Variants in CATSPERZ observed in about 807,000 individuals in gnomAD.
The protein encoded by CATSPERZ is catsper channel auxiliary subunit zeta.
CATSPERZ carries 21 observed loss-of-function variants against 21.7 expected under a neutral mutation model. That is an observed-to-expected ratio of 0.97 (90% CI 0.69 to 1.39). CATSPERZ has a LOEUF of 1.39. CATSPERZ is among the 40% of genes most tolerant of loss of function. The pLI, the probability that CATSPERZ is intolerant of heterozygous loss-of-function variation, is 0.00. For missense variants in CATSPERZ, 234 were observed against 259.5 expected (o/e 0.90, Z 0.68); for synonymous variants, 127 against 108.7 (o/e 1.17, Z -1.05).
At position 64,303,930 on chromosome 11, in the gene CATSPERZ, CCTTATGTCT is replaced by C. The variant is rs2034971426; in HGVS notation, c.499+92_499+100del. On this transcript the variant is annotated intron_variant, in intron 4 of 4. Coordinates refer to ENST00000328404, the MANE Select transcript of CATSPERZ (RefSeq NM_001039496.2). ...CCCAGGGGGGTGGGGTTTCAGGGTG[CCTTATGTCT>C]TGTCAGATGCCCTTGGCACTCACAA... 1.6e-5 allele frequency: 21 copies of C among 1,303,840 alleles called. No individual in the cohort carries two copies. In the East Asian group the frequency reaches 2.8e-4, roughly 17 times the overall value. 80.8% of individuals were successfully genotyped at this position (1,303,840 alleles called of 1,614,324 possible). A position where few individuals can be genotyped will look rare whatever the true frequency, so the allele number is the denominator to read the frequency against.
At chr11:64,304,473 T>C in intron 4 of CATSPERZ, 70 bp from the exon 5 acceptor site, 1 of 1,227,612 alleles carries the variant, frequency 8.1e-7, no homozygotes, top group Non-Finnish European at 1.1e-6. Context: ...GAATCACACA[T>C]GCGGCGCCCC....
In CATSPERZ at chr11:64,300,946, T is replaced by G; in HGVS notation, c.311T>G (p.Ile104Ser). ...LELHRGSSME[I>S]NLGEKDTASQ... ...TTGCACCGCGGCAGCTCCATGGAAA[T>G]CAATCTGGGGGAGAAGGACACTGCA... The change falls in exon 2 of 5, where the codon ATC becomes AGC. Residue 104 changes from isoleucine to serine, a missense_variant. Coordinates refer to ENST00000328404, the MANE Select transcript of CATSPERZ (RefSeq NM_001039496.2). 6.3e-7 allele frequency: 1 copy of G among 1,579,856 alleles called. No homozygotes were observed.
rs111651235 is a variant in CATSPERZ, at chr11:64,300,515, C to G, written c.21+84C>G. On this transcript the variant is annotated intron_variant, in intron 1 of 4. Coordinates refer to ENST00000328404, the MANE Select transcript of CATSPERZ (RefSeq NM_001039496.2). The stretch of plus-strand genomic sequence containing the variant: ...CGGGCCCCTGGCGCTATTTCTTACT[C>G]AGCCTTGGCTGCCCGCAGCCCCCAC... 79 of 1,557,634 alleles carry G rather than the reference C, an allele frequency of 5.1e-5. 4 individuals are homozygous for G. The African/African-American group carries it at 6.1e-4, about 12-fold the overall frequency.
At chr11:64,304,135 G>A (rs1461620293) in intron 4 of CATSPERZ, among the ~76,000 whole-genome samples, 1 of 152,194 alleles carries the variant, frequency 6.6e-6, no homozygotes, top group African/African-American at 2.4e-5. Context: ...TGGGATGACC[G>A]CCTTGGTGTG....
chr11:64,301,585 G>C (rs1228432644), intron 2 of CATSPERZ, among the ~76,000 whole-genome samples: 1 of 151,924 alleles, frequency 6.6e-6, no homozygotes, highest in Non-Finnish European at 1.5e-5. Flanking sequence ...TGTTGGCCAG[G>C]CTGGTCTCGA....
intron 1 of CATSPERZ, 46 bp downstream of exon 1, chr11:64,300,477 C>G (rs1437176535): frequency 8.3e-6 from 13 of 1,567,740 alleles, no homozygotes; most frequent in Non-Finnish European, 1.0e-5. Flanking sequence ...TCCAACCCAC[C>G]CTTGGTCCGA....
chr11:64,300,447 A>G lies in CATSPERZ; in HGVS notation c.21+16A>G, dbSNP rs756750237. The G allele has an allele frequency of 4.6e-6, 7 of 1,526,770 alleles. No homozygotes were observed. Among genetic ancestry groups the G allele is most frequent in the Non-Finnish European group, 6.2e-6 (7 of 1,125,466 alleles). 94.6% of individuals were successfully genotyped at this position (1,526,770 alleles called of 1,614,324 possible). A position where few individuals can be genotyped will look rare whatever the true frequency, so the allele number is the denominator to read the frequency against. On this transcript the variant is annotated intron_variant, in intron 1 of 4. Coordinates refer to ENST00000328404, the MANE Select transcript of CATSPERZ (RefSeq NM_001039496.2). ...GCCTTCGAAAGTAAGACGTCTCCCT[A>G]GGCCCCTTACCCTGTCCGCTCCAAC...
intron 2 of CATSPERZ, among the ~76,000 whole-genome samples, chr11:64,303,110 A>C (rs2034954269): frequency 1.3e-5 from 2 of 151,800 alleles, no homozygotes; most frequent in Non-Finnish European, 2.9e-5. Context: ...CATGTTGGCC[A>C]GGTTGGTCTC....
Position 64,303,763 on chromosome 11 carries a change from G to C in CATSPERZ, c.433-10G>C, listed in dbSNP as rs1439144895. ...TACCTGGACGCCTAAGCCTCTTGCT[G>C]CTTCTCCAGCTGCCACTGCCCCTGA... On this transcript the variant is annotated splice_polypyrimidine_tract_variant and intron_variant, in intron 3 of 4. Transcript: ENST00000328404. 2 of 1,593,336 alleles carry C rather than the reference G, an allele frequency of 1.3e-6. No homozygotes were observed. The highest frequency in any genetic ancestry group is 1.3e-5 in the African/African-American group (1 of 74,352).
rs758831368 is a variant in CATSPERZ at position 64,303,838 on chromosome 11, G to A, written c.498G>A (p.Arg166=). The A allele has an allele frequency of 1.3e-6, 2 of 1,594,222 alleles. No individual in the cohort carries two copies. Among genetic ancestry groups the A allele is most frequent in the South Asian group, 1.1e-5 (1 of 87,606 alleles). The change falls in exon 4 of 5, where the codon CGG becomes CGA. Residue 166 remains arginine (R), a splice_region_variant and synonymous_variant. Coordinates refer to ENST00000328404, the MANE Select transcript of CATSPERZ (RefSeq NM_001039496.2). ...EALEILTKAL[R]SYQLGIGRDH... ...TGGAAATCCTCACCAAAGCCCTCCGGAGTAAGCTCCCCGCCAACCCCCAAG... is the reference window on the plus strand; with the variant it reads ...TGGAAATCCTCACCAAAGCCCTCCGAAGTAAGCTCCCCGCCAACCCCCAAG...
intron 2 of CATSPERZ, among the ~76,000 whole-genome samples, chr11:64,301,300 T>C (rs1202392895): frequency 6.6e-6 from 1 of 152,186 alleles, no homozygotes; most frequent in Non-Finnish European, 1.5e-5. Context: ...TTTTGTTTTG[T>C]TTTGTTTTTG....
chr11:64,304,632 C>T lies in CATSPERZ; in HGVS notation c.589C>T (p.Leu197=). Reference sequence around the variant, plus strand: ...GCTCAAGAAGCGCCGGAGCAAGAGGCTGTACGTGAATTAAAAACGCCACCT... The same window carrying T: ...GCTCAAGAAGCGCCGGAGCAAGAGGTTGTACGTGAATTAAAAACGCCACCT... ...EGLKKRRSKR[L]YVN is the part of the protein sequence containing the mutation. Residue 197 remains leucine (L), a synonymous_variant, in exon 5 of 5, where the codon CTG becomes TTG. Transcript: ENST00000328404. The T allele has an allele frequency of 6.4e-7, 1 of 1,572,522 alleles. No homozygotes were observed. Among genetic ancestry groups the T allele is most frequent in the African/African-American group, 1.4e-5 (1 of 73,944 alleles).
In CATSPERZ at chr11:64,303,498, G is replaced by GTCA. The variant is rs1412055228; in HGVS notation, c.373_375dup (p.Ser125dup). Reference sequence around the variant, plus strand: ...TTCTCCCAGAAAAGTCTTCCTCAATGTCATCACTCAATATTGCGAAGCACA... The same window carrying GTCA: ...TTCTCCCAGAAAAGTCTTCCTCAATGTCATCATCACTCAATATTGCGAAGCACA... On this transcript the variant is annotated inframe_insertion, in exon 3 of 5. Coordinates refer to ENST00000328404, the MANE Select transcript of CATSPERZ (RefSeq NM_001039496.2). The GTCA allele has an allele frequency of 1.2e-6, 2 of 1,613,098 alleles. No homozygotes were observed. The highest frequency in any genetic ancestry group is 2.2e-5 in the South Asian group (2 of 90,890).
In CATSPERZ at chr11:64,304,532, C is replaced by G. The variant is rs1443710870; in HGVS notation, c.500-11C>G. The G allele has an allele frequency of 3.8e-6, 6 of 1,570,878 alleles. No individual in the cohort carries two copies. In the South Asian group the frequency reaches 4.7e-5, roughly 12 times the overall value. On this transcript the variant is annotated splice_polypyrimidine_tract_variant and intron_variant, in intron 4 of 4. Transcript: ENST00000328404. ...CTCACTGCCCTGAGCCGAGCTCTGC[C>G]CTCCTCCTAGGCTACCAGTTAGGGA...
chr11:64,300,995 TG>T lies in CATSPERZ; in HGVS notation c.352+10del. 6.6e-7 allele frequency: 1 copy of T among 1,518,242 alleles called. No homozygotes were observed. Among genetic ancestry groups the T allele is most frequent in the Non-Finnish European group, 8.9e-7 (1 of 1,126,462 alleles). 94.0% of individuals were successfully genotyped at this position (1,518,242 alleles called of 1,614,324 possible). ...CATCCCAGATCGAGGCCGGTCAGTGTGGCCTCGCCAGGCCGTGGGCACCCGC... is the reference window on the plus strand; with the variant it reads ...CATCCCAGATCGAGGCCGGTCAGTGTGCCTCGCCAGGCCGTGGGCACCCGC... On this transcript the variant is annotated intron_variant, in intron 2 of 4. Coordinates refer to ENST00000328404, the MANE Select transcript of CATSPERZ (RefSeq NM_001039496.2).
intron 4 of CATSPERZ, 94 bp from the exon 5 acceptor site, chr11:64,304,449 A>T: frequency 1.1e-6 from 1 of 916,016 alleles, no homozygotes; most frequent in Non-Finnish European, 1.7e-6. Context: ...ACCTCGAATC[A>T]TCTGCGGTTC....
chr11:64,304,496 C>T lies in CATSPERZ; in HGVS notation c.500-47C>T, dbSNP rs1179092541. 6.8e-6 allele frequency: 10 copies of T among 1,471,726 alleles called. No individual in the cohort carries two copies. The Middle Eastern group carries it at 1.1e-3, about 156-fold the overall frequency. The allele number at this position is 1,471,726 out of a possible 1,614,324, so 91.2% of individuals were successfully genotyped here. ...CATGCGGCGCCCCCTGGTGGGGAGACCTTTCGGTTGCTCACTGCCCTGAGC... is the reference window on the plus strand; with the variant it reads ...CATGCGGCGCCCCCTGGTGGGGAGATCTTTCGGTTGCTCACTGCCCTGAGC... On this transcript the variant is annotated intron_variant, in intron 4 of 4. Transcript: ENST00000328404.
In CATSPERZ at chr11:64,300,822, C is replaced by T. The variant is rs1372587166; in HGVS notation, c.187C>T (p.Arg63Cys). The change falls in exon 2 of 5, where the codon CGC (arginine) becomes TGC (cysteine). Residue 63 changes from arginine (R) to cysteine (C), a missense_variant. Physicochemically the swap from Arg to Cys is radical, Grantham distance 180. Coordinates refer to ENST00000328404, the MANE Select transcript of CATSPERZ (RefSeq NM_001039496.2). ...GGAGGGCCGCAACATTAGCAAGACCCGCGGGTGGCACAGCCCGGGGCGGGG... is the reference window on the plus strand; with the variant it reads ...GGAGGGCCGCAACATTAGCAAGACCTGCGGGTGGCACAGCCCGGGGCGGGG... The part of the protein sequence containing the change: ...DEEGRNISKT[R>C]GWHSPGRGSL... 3 of 1,560,480 alleles carry T rather than the reference C, an allele frequency of 1.9e-6. No homozygotes were observed. The African/African-American group carries it at 4.1e-5, about 21-fold the overall frequency.
chr11:64,301,068 G>C lies in CATSPERZ; in HGVS notation c.352+81G>C. ...ACTCAATTTCTGGAGCTGTAAAATG[G>C]GGGGAAGCTGATGGGATCCAAGTTT... On this transcript the variant is annotated intron_variant, in intron 2 of 4. Coordinates refer to ENST00000328404, the MANE Select transcript of CATSPERZ (RefSeq NM_001039496.2). The C allele has an allele frequency of 4.7e-6, 6 of 1,289,800 alleles. No individual in the cohort carries two copies. In the South Asian group the frequency reaches 7.6e-5, roughly 16 times the overall value. 79.9% of individuals were successfully genotyped at this position (1,289,800 alleles called of 1,614,324 possible).
Sources: gnomAD v4.1 joint callset for allele counts (sites outside exome capture counted in the v4.1 genomes callset) on GRCh38, gnomAD v4.1.1 for gene constraint, MANE v1.5 for transcripts, NCBI Gene and HGNC (gene_info 2026-07-23, HGNC 2026-07-21) for gene names.